The following SDE2 variants were observed in gnomAD, a reference collection of about 807,000 sequenced individuals.
The protein encoded by SDE2 is spliceosome associated SDE2.
SDE2 carries 31 observed loss-of-function variants against 46.9 expected under a neutral mutation model. The ratio of observed to expected loss-of-function variants is 0.66; its 90% CI spans 0.50 to 0.89. The LOEUF (loss-of-function observed/expected upper bound fraction) is 0.89. Ranked by LOEUF, SDE2 falls within the 40% of genes least tolerant of loss-of-function variation. The pLI is 0.00. For missense variants in SDE2, 542 were observed against 564.4 expected (o/e 0.96, Z 0.40); for synonymous variants, 205 against 204.3 (o/e 1.00, Z -0.03).
At chr1:225,987,257 T>C (rs111810998) in intron 6 of SDE2, among the ~76,000 whole-genome samples, 14,789 of 152,216 alleles carry the variant, frequency 0.097, 971 homozygotes, top group Admixed American at 0.18. Context: ...TTCACCATGC[T>C]GGCCAGGCTG....
At chr1:225,989,157 C>G (rs896166282) in intron 5 of SDE2, among the ~76,000 whole-genome samples, 1 of 150,630 alleles carries the variant, frequency 6.6e-6, no homozygotes, top group Non-Finnish European at 1.5e-5. Context: ...ATTAGCCAGG[C>G]CTGGTGGCAG....
intron 5 of SDE2, 56 bp from the exon 6 acceptor site, chr1:225,988,444 G>A: frequency 6.3e-7 from 1 of 1,585,234 alleles, no homozygotes; most frequent in Non-Finnish European, 8.6e-7. Context: ...TTAAAGCAAA[G>A]AGTTGGCTGG....
intron 1 of SDE2, among the ~76,000 whole-genome samples, chr1:225,997,769 AC>A (rs953576397): frequency 1.3e-5 from 2 of 152,152 alleles, no homozygotes; most frequent in African/African-American, 4.8e-5. Context: ...CTTTTTTCCA[AC>A]ATACCTCATG....
intron 4 of SDE2, 54 bp from the exon 5 acceptor site, chr1:225,991,417 A>T: frequency 6.9e-7 from 1 of 1,440,578 alleles, no homozygotes; most frequent in Non-Finnish European, 9.6e-7. Flanking sequence ...AGTTTAAAGA[A>T]ATCATAAATA....
At chr1:225,995,187 TGTC>T (rs1656493916) in intron 2 of SDE2, 76 bp downstream of exon 2, 1 of 752,858 alleles carries the variant, frequency 1.3e-6, no homozygotes. Flanking sequence ...AGACAGCAAA[TGTC>T]AGCAGCAGAA....
At chr1:225,988,851 G>A (rs1034659019) in intron 5 of SDE2, among the ~76,000 whole-genome samples, 5 of 152,136 alleles carry the variant, frequency 3.3e-5, no homozygotes, top group African/African-American at 7.2e-5. Flanking sequence ...TAAACAGAAG[G>A]AAAAAACATT....
Position 225,983,792 on chromosome 1 carries a change from G to GTT in SDE2, c.*1509_*1510insAA, listed in dbSNP as rs1656210716. 2 of 152,030 alleles carry GTT rather than the reference G, an allele frequency of 1.3e-5. No individual in the cohort carries two copies. The highest frequency in any genetic ancestry group is 4.8e-5 in the African/African-American group (2 of 41,392). The allele number at this position is 152,030 out of a possible 1,614,324, so 9.4% of individuals were successfully genotyped here. A position where few individuals can be genotyped will look rare whatever the true frequency, so the allele number is the denominator to read the frequency against. ...ATAAAACGAGTCTCAATAAAACTAA[G>GTT]AGGATTGAAATCATAAAGAGGATAT... On this transcript the variant is annotated 3_prime_UTR_variant, in exon 7 of 7. Coordinates refer to ENST00000272091, the MANE Select transcript of SDE2 (RefSeq NM_152608.4).
At chr1:225,998,478 G>A (rs1656582494) in intron 1 of SDE2, among the ~76,000 whole-genome samples, 1 of 152,166 alleles carries the variant, frequency 6.6e-6, no homozygotes, top group African/African-American at 2.4e-5. Context: ...TAGATTCAGG[G>A]AAACCACTAA....
rs1284381199 is a variant in SDE2, at chr1:225,988,368, T to A, written c.662A>T (p.Glu221Val). ...CTCAGAGTTGGACCCTTCTGCAGTC[T>A]CTAGTCCCTCCATGCCCAACCTGTC... ...RCFWLGMEGLETAEGSNSESS... is the reference protein window; with the variant it reads ...RCFWLGMEGLVTAEGSNSESS... The change falls in exon 6 of 7, where the codon GAG becomes GTG. Residue 221 changes from glutamate to valine, a missense_variant. Coordinates refer to ENST00000272091, the MANE Select transcript of SDE2 (RefSeq NM_152608.4). 1 of 1,614,160 alleles carries A rather than the reference T, an allele frequency of 6.2e-7. No individual in the cohort carries two copies. Among genetic ancestry groups the A allele is most frequent in the Non-Finnish European group, 8.5e-7 (1 of 1,179,966 alleles).
intron 5 of SDE2, among the ~76,000 whole-genome samples, chr1:225,990,712 A>T (rs1231519380): frequency 6.6e-6 from 1 of 152,214 alleles, no homozygotes; most frequent in African/African-American, 2.4e-5. Flanking sequence ...TTATCCCCAA[A>T]GGGGATAAAC....
intron 6 of SDE2, among the ~76,000 whole-genome samples, chr1:225,987,081 C>T (rs953617408): frequency 6.6e-6 from 1 of 152,166 alleles, no homozygotes; most frequent in Non-Finnish European, 1.5e-5. Context: ...CTCACTCTGT[C>T]GCCCAGGCTG....
intron 1 of SDE2, among the ~76,000 whole-genome samples, chr1:225,998,779 C>T (rs1656589588): frequency 1.3e-5 from 2 of 152,154 alleles, no homozygotes; most frequent in Non-Finnish European, 2.9e-5. Context: ...TGACATACTT[C>T]TCTAGGCTGG....
At chr1:225,989,020 C>T (rs912301569) in intron 5 of SDE2, among the ~76,000 whole-genome samples, 1 of 151,852 alleles carries the variant, frequency 6.6e-6, no homozygotes, top group African/African-American at 2.4e-5. Context: ...AATAGTTGGC[C>T]GGGCGTGGTG....
Position 225,986,579 on chromosome 1 carries a change from G to A in SDE2, c.1135-1056C>T, listed in dbSNP as rs748968601. 9.7e-4 allele frequency among the ~76,000 whole-genome samples: 148 copies of A among 152,240 alleles called. 2 individuals are homozygous for A. The highest frequency in any genetic ancestry group is 3.8e-4 in the Non-Finnish European group (26 of 68,022). ...CCAAATTCTAAAATGCCACTTATGTGTGTTTAAAGAATCACACTTGGTTGT... is the reference window on the plus strand; with the variant it reads ...CCAAATTCTAAAATGCCACTTATGTATGTTTAAAGAATCACACTTGGTTGT... On this transcript the variant is annotated intron_variant, in intron 6 of 6. Transcript: ENST00000272091.
chr1:225,994,326 T>C (rs540882164), intron 2 of SDE2, among the ~76,000 whole-genome samples: 49 of 152,292 alleles, frequency 3.2e-4, no homozygotes, highest in Non-Finnish European at 7.1e-4. Context: ...TCCGCCCGCC[T>C]TGGCCTCCCA....
chr1:225,989,598 C>T (rs1656348194), intron 5 of SDE2, among the ~76,000 whole-genome samples: 1 of 146,068 alleles, frequency 6.8e-6, no homozygotes, highest in African/African-American at 2.5e-5. Flanking sequence ...CATTGCACTC[C>T]AGCTTGGGCG....
chr1:225,988,205 G>T lies in SDE2; in HGVS notation c.825C>A (p.Asp275Glu), dbSNP rs766843966. 1 of 1,614,094 alleles carries T rather than the reference G, an allele frequency of 6.2e-7. No homozygotes were observed. Among genetic ancestry groups the T allele is most frequent in the Non-Finnish European group, 8.5e-7 (1 of 1,179,986 alleles). ...TCTGCAGTTGTTCTGGTGATCCATG[G>T]TCTGTATTCACTACTCTCGCCCTCT... ...GSQRARVVNT[D>E]HGSPEQLQIP... Residue 275 changes from aspartate to glutamate, a missense_variant, in exon 6 of 7, where the codon GAC becomes GAA. Asp to Glu is a conservative substitution (Grantham distance 45, BLOSUM62 2). Transcript: ENST00000272091.
rs909408386 is a variant in SDE2 at position 225,983,358 on chromosome 1, T to C, written c.*1944A>G. 6.6e-6 allele frequency: 1 copy of C among 152,164 alleles called. No individual in the cohort carries two copies. The highest frequency in any genetic ancestry group is 2.4e-5 in the African/African-American group (1 of 41,448). The allele number at this position is 152,164 out of a possible 1,614,324, so 9.4% of individuals were successfully genotyped here. On this transcript the variant is annotated 3_prime_UTR_variant, in exon 7 of 7. Coordinates refer to ENST00000272091, the MANE Select transcript of SDE2 (RefSeq NM_152608.4). ...TAGGAAGACATAAGTTATTAGAGCT[T>C]CATACAAAAACTGGTAGAATTTAAG...
At chr1:225,998,264 A>G (rs2102707463) in intron 1 of SDE2, among the ~76,000 whole-genome samples, 1 of 152,370 alleles carries the variant, frequency 6.6e-6, no homozygotes, top group Admixed American at 6.5e-5. Flanking sequence ...AGCAGGAAGG[A>G]AAACATGGAA....
Sources: gnomAD v4.1 joint callset for allele counts (sites outside exome capture counted in the v4.1 genomes callset) on GRCh38, gnomAD v4.1.1 for gene constraint, MANE v1.5 for transcripts, NCBI Gene and HGNC (gene_info 2026-07-23, HGNC 2026-07-21) for gene names.